TSHZ1: variants seen among roughly 807,000 people sequenced by gnomAD.
TSHZ1 encodes teashirt zinc finger homeobox 1.
In TSHZ1, 12 loss-of-function variants were observed where a neutral mutation model predicts 67.1. The observed-to-expected ratio is 0.18, with a 90% CI of 0.11 to 0.29. The LOEUF (loss-of-function observed/expected upper bound fraction) is 0.29, where lower values mean the gene tolerates loss of function less well. Among genes scored for constraint, TSHZ1 ranks in the 10% least tolerant of loss-of-function variants. TSHZ1 has a pLI of 1.00. For synonymous variants in TSHZ1, 632 were observed against 622.4 expected (o/e 1.02, Z -0.23); for missense variants, 1,305 against 1,413.9 (o/e 0.92, Z 1.23).
intron 1 of TSHZ1, among the ~76,000 whole-genome samples, chr18:75,268,321 G>A (rs1230480463): frequency 6.6e-6 from 1 of 152,170 alleles, no homozygotes; most frequent in Non-Finnish European, 1.5e-5. Flanking sequence ...TTTTCTACAT[G>A]ATAGGAGAGA....
rs1468536113 is a variant in TSHZ1, at chr18:75,287,967, A to G, written c.2560A>G (p.Lys854Glu). 1 of 1,614,054 alleles carries G rather than the reference A, an allele frequency of 6.2e-7. No individual in the cohort carries two copies. Reference protein sequence around the residue: ...VKNLTGRLTPKSSTPSTVSEK... With the variant: ...VKNLTGRLTPESSTPSTVSEK... ...AAACCTCACAGGCCGCCTGACGCCC[A>G]AGTCCTCCACGCCCTCCACAGTTTC... The change falls in exon 2 of 2, where the codon AAG becomes GAG. Residue 854 changes from lysine to glutamate, a missense_variant. Transcript: ENST00000580243. The surrounding 1 kb of genome is among the most constrained non-coding windows in gnomAD (Gnocchi z 5.0).
intron 1 of TSHZ1, among the ~76,000 whole-genome samples, chr18:75,278,844 G>A (rs1192120606): frequency 3.3e-5 from 5 of 152,114 alleles, no homozygotes; most frequent in East Asian, 3.9e-4. Flanking sequence ...GCCAGGCCTC[G>A]AAGGGTCTTG....
intron 1 of TSHZ1, chr18:75,280,870 T>C: frequency 1.0e-6 from 1 of 969,982 alleles, no homozygotes; most frequent in Non-Finnish European, 1.2e-6. Flanking sequence ...ATTGAGAGGG[T>C]GGCATAAGGA....
intron 1 of TSHZ1, among the ~76,000 whole-genome samples, chr18:75,230,661 C>T (rs2022985429): frequency 6.6e-6 from 1 of 152,168 alleles, no homozygotes; most frequent in African/African-American, 2.4e-5. Context: ...TCACCACACG[C>T]AGGTATGACC....
chr18:75,214,399 G>C (rs1599366409), intron 1 of TSHZ1, among the ~76,000 whole-genome samples: 1 of 152,182 alleles, frequency 6.6e-6, no homozygotes, highest in Non-Finnish European at 1.5e-5. Context: ...CCCTCTTAAA[G>C]TAGCCACAAT....
intron 1 of TSHZ1, among the ~76,000 whole-genome samples, chr18:75,238,781 TC>T (rs1213959313): frequency 6.6e-6 from 1 of 152,130 alleles, no homozygotes; most frequent in Non-Finnish European, 1.5e-5. Context: ...ACAGAACAAA[TC>T]TTAAAAAACT....
At chr18:75,243,043 T>A (rs1025126934) in intron 1 of TSHZ1, among the ~76,000 whole-genome samples, 5 of 151,898 alleles carry the variant, frequency 3.3e-5, no homozygotes, top group African/African-American at 1.2e-4. Flanking sequence ...GCCGGTGAGG[T>A]CTGGAGGCAG....
At chr18:75,236,638 T>G (rs1441174078) in intron 1 of TSHZ1, among the ~76,000 whole-genome samples, 1 of 152,186 alleles carries the variant, frequency 6.6e-6, no homozygotes, top group Non-Finnish European at 1.5e-5. Flanking sequence ...TTGTCCGTTT[T>G]GTTCATTGCC....
chr18:75,279,515 T>A (rs1201490092), intron 1 of TSHZ1, among the ~76,000 whole-genome samples: 1 of 152,058 alleles, frequency 6.6e-6, no homozygotes, highest in Non-Finnish European at 1.5e-5. Context: ...GCCCCTCCCA[T>A]GGGAAGGCTG....
chr18:75,286,064 G>A lies in TSHZ1; in HGVS notation c.657G>A (p.Glu219=). 6.2e-7 allele frequency: 1 copy of A among 1,613,496 alleles called. No individual in the cohort carries two copies. The highest frequency in any genetic ancestry group is 1.1e-5 in the South Asian group (1 of 91,016). The change falls in exon 2 of 2, where the codon GAG becomes GAA. Residue 219 remains glutamate (E), a synonymous_variant. Transcript: ENST00000580243. This position sits in a 1 kb window ranked among gnomAD's most constrained non-coding sequence, Gnocchi z 5.1. ...QQTSSYGLLP[E]PSLFSTVQLY... ...CGTCCTCGTATGGGCTGCTTCCTGA[G>A]CCCAGCCTGTTCAGCACCGTGCAGC...
chr18:75,287,972 C>T lies in TSHZ1; in HGVS notation c.2565C>T (p.Ser855=), dbSNP rs1271291593. The change falls in exon 2 of 2, where the codon TCC becomes TCT. Residue 855 remains serine (S), a synonymous_variant. Transcript: ENST00000580243. The surrounding 1 kb of genome is among the most constrained non-coding windows in gnomAD (Gnocchi z 5.0). ...KNLTGRLTPK[S]STPSTVSEKS... is the part of the protein sequence containing the mutation. ...TCACAGGCCGCCTGACGCCCAAGTCCTCCACGCCCTCCACAGTTTCAGAGA... is the reference window on the plus strand; with the variant it reads ...TCACAGGCCGCCTGACGCCCAAGTCTTCCACGCCCTCCACAGTTTCAGAGA... 1 of 1,614,186 alleles carries T rather than the reference C, an allele frequency of 6.2e-7. No homozygotes were observed. Among genetic ancestry groups the T allele is most frequent in the African/African-American group, 1.3e-5 (1 of 75,048 alleles).
chr18:75,288,723 A>G lies in TSHZ1; in HGVS notation c.*82A>G. 1 of 1,507,652 alleles carries G rather than the reference A, an allele frequency of 6.6e-7. No homozygotes were observed. The highest frequency in any genetic ancestry group is 2.3e-5 in the East Asian group (1 of 43,690). The allele number at this position is 1,507,652 out of a possible 1,614,324, so 93.4% of individuals were successfully genotyped here. On this transcript the variant is annotated 3_prime_UTR_variant, in exon 2 of 2. Coordinates refer to ENST00000580243, the MANE Select transcript of TSHZ1 (RefSeq NM_001308210.2). This position sits in a 1 kb window ranked among gnomAD's most constrained non-coding sequence, Gnocchi z 4.9. ...AGGCCTGGCCTGAGCCTCTGAAATC[A>G]GTCTTTCCTTTGTTGCTGGCCCGCC...
intron 1 of TSHZ1, among the ~76,000 whole-genome samples, chr18:75,234,943 A>C (rs2023048425): frequency 6.6e-6 from 1 of 152,164 alleles, no homozygotes; most frequent in Non-Finnish European, 1.5e-5. Flanking sequence ...AGCGCATCGA[A>C]AGATTTTGTG....
At chr18:75,265,877 C>A (rs2023484768) in intron 1 of TSHZ1, among the ~76,000 whole-genome samples, 1 of 152,146 alleles carries the variant, frequency 6.6e-6, no homozygotes, top group African/African-American at 2.4e-5. Context: ...TACTGAAATA[C>A]ACTTTTCTAG....
At position 75,288,069 on chromosome 18, in the gene TSHZ1, C is replaced by T. The variant is rs1053380246; in HGVS notation, c.2662C>T (p.Arg888Trp). ...ELSPVHKRKGRQSNWNPQHLL... is the reference protein window; with the variant it reads ...ELSPVHKRKGWQSNWNPQHLL... Reference sequence around the variant, plus strand: ...GTCACCGGTCCACAAGAGGAAGGGCCGGCAGTCCAACTGGAACCCGCAGCA... The same window carrying T: ...GTCACCGGTCCACAAGAGGAAGGGCTGGCAGTCCAACTGGAACCCGCAGCA... The change falls in exon 2 of 2, where the codon CGG becomes TGG. Residue 888 changes from arginine to tryptophan, a missense_variant. Coordinates refer to ENST00000580243, the MANE Select transcript of TSHZ1 (RefSeq NM_001308210.2). This position sits in a 1 kb window ranked among gnomAD's most constrained non-coding sequence, Gnocchi z 4.9. 21 of 1,613,614 alleles carry T rather than the reference C, an allele frequency of 1.3e-5. No individual in the cohort carries two copies. Among genetic ancestry groups the T allele is most frequent in the East Asian group, 2.2e-5 (1 of 44,886 alleles).
intron 1 of TSHZ1, among the ~76,000 whole-genome samples, chr18:75,262,830 T>C (rs2023447172): frequency 6.6e-6 from 1 of 152,202 alleles, no homozygotes; most frequent in South Asian, 2.1e-4. Flanking sequence ...TACCACCCTC[T>C]CTTCCATCTG....
intron 1 of TSHZ1, among the ~76,000 whole-genome samples, chr18:75,253,130 G>C (rs1599041655): frequency 6.6e-6 from 1 of 152,164 alleles, no homozygotes; most frequent in East Asian, 1.9e-4. Flanking sequence ...TAATCGCCTA[G>C]GTTATTTATT....
chr18:75,271,660 G>T (rs2023559021), intron 1 of TSHZ1, among the ~76,000 whole-genome samples: 1 of 152,130 alleles, frequency 6.6e-6, no homozygotes, highest in Non-Finnish European at 1.5e-5. Flanking sequence ...TATCATTCAT[G>T]TTGGGAAGGT....
rs1444737253 is a variant in TSHZ1, at chr18:75,211,010, G to GA, written c.-867_-866insA. 16 of 150,284 alleles carry GA rather than the reference G, an allele frequency of 1.1e-4. No individual in the cohort carries two copies. Among genetic ancestry groups the GA allele is most frequent in the African/African-American group, 3.9e-4 (16 of 40,572 alleles). 9.3% of individuals were successfully genotyped at this position (150,284 alleles called of 1,614,324 possible). A position where few individuals can be genotyped will look rare whatever the true frequency, so the allele number is the denominator to read the frequency against. On this transcript the variant is annotated 5_prime_UTR_variant, in exon 1 of 2. The change creates a premature stop within an existing upstream ORF in the 5' untranslated region. Coordinates refer to ENST00000580243, the MANE Select transcript of TSHZ1 (RefSeq NM_001308210.2). ...GCCTTTTTTTTTTCTTGGAGGGGGG[G>GA]GTGCTTTTTGTGTATTTTTCAAATT...
Sources: allele counts gnomAD v4.1 joint callset (sites outside exome capture counted in the v4.1 genomes callset), GRCh38; gene constraint gnomAD v4.1.1; non-coding constraint Gnocchi (gnomAD v3.1); transcripts MANE v1.5; gene names NCBI Gene and HGNC (gene_info 2026-07-23, HGNC 2026-07-21).